CCDC91: variants seen among roughly 807,000 people sequenced by gnomAD.
CCDC91 encodes coiled-coil domain-containing protein 91.
CCDC91 carries 48 observed loss-of-function variants against 63.2 expected under a neutral mutation model. The observed-to-expected ratio is 0.76, with a 90% CI of 0.60 to 0.97. The LOEUF (loss-of-function observed/expected upper bound fraction) is 0.97. CCDC91 is among the 50% of genes least tolerant of loss of function. The pLI is 0.00. For missense variants in CCDC91, 500 were observed against 494.6 expected, an observed-to-expected ratio of 1.01 and a Z score of -0.10; for synonymous variants, 167 against 165.8, an observed-to-expected ratio of 1.01 and a Z score of -0.06.
intron 6 of CCDC91, among the ~76,000 whole-genome samples, chr12:28,308,629 C>T (rs1352625354): frequency 2.0e-5 from 3 of 151,910 alleles, no homozygotes; most frequent in African/African-American, 7.2e-5. Context: ...GTCCAGAGTG[C>T]TCAGATTCCC....
At chr12:28,416,463 G>T (rs1485865121) in intron 8 of CCDC91, among the ~76,000 whole-genome samples, 1 of 152,010 alleles carries the variant, frequency 6.6e-6, no homozygotes, top group Non-Finnish European at 1.5e-5. Flanking sequence ...AAGAAATTAG[G>T]CTCAACCCTG....
chr12:28,252,734 T>C (rs1946204542), intron 1 of CCDC91, among the ~76,000 whole-genome samples: 1 of 152,094 alleles, frequency 6.6e-6, no homozygotes, highest in East Asian at 1.9e-4. Flanking sequence ...TCTTTTATGG[T>C]TTGGTCTCTA....
chr12:28,366,842 G>T (rs1944307862), intron 7 of CCDC91, among the ~76,000 whole-genome samples: 1 of 152,114 alleles, frequency 6.6e-6, no homozygotes, highest in Admixed American at 6.6e-5. Flanking sequence ...AGCCGGACTG[G>T]TATTGATGGA....
intron 12 of CCDC91, among the ~76,000 whole-genome samples, chr12:28,508,892 T>C (rs1023567733): frequency 6.6e-6 from 1 of 151,940 alleles, no homozygotes; most frequent in African/African-American, 2.4e-5. Context: ...CTCTATTTAA[T>C]GGTTATTGAT....
intron 1 of CCDC91, among the ~76,000 whole-genome samples, chr12:28,200,167 C>G (rs1050363674): frequency 6.7e-6 from 1 of 149,732 alleles, no homozygotes; most frequent in African/African-American, 2.4e-5. Context: ...CCTGGATAAT[C>G]TCAATTGACC....
intron 12 of CCDC91, among the ~76,000 whole-genome samples, chr12:28,523,405 T>A (rs1317523893): frequency 6.6e-6 from 1 of 152,172 alleles, no homozygotes; most frequent in African/African-American, 2.4e-5. Context: ...ACCCCTGCCT[T>A]TTTTTGTTTT....
At position 28,370,325 on chromosome 12, in the gene CCDC91, G is replaced by A. The variant is rs528968374; in HGVS notation, c.654+7810G>A. On this transcript the variant is annotated intron_variant, in intron 7 of 12. Transcript: ENST00000536442. ...TCCTAAATCATGTCTCTCAAGTTCA[G>A]CATTTTACAATTCTCTAGGGCAGGG... 1.2e-4 allele frequency among the ~76,000 whole-genome samples: 19 copies of A among 152,266 alleles called. No homozygotes were observed. In the South Asian group the frequency reaches 3.9e-3, roughly 32 times the overall value.
chr12:28,257,311 G>T, intron 2 of CCDC91, 66 bp downstream of exon 2: 1 of 1,001,536 alleles, frequency 1.0e-6, no homozygotes, highest in South Asian at 1.4e-5. Context: ...AAACTATTTT[G>T]AAAATGTATT....
At chr12:28,260,861 A>G (rs1946776878) in intron 3 of CCDC91, among the ~76,000 whole-genome samples, 1 of 152,020 alleles carries the variant, frequency 6.6e-6, no homozygotes, top group Non-Finnish European at 1.5e-5. Flanking sequence ...ATATTTATAT[A>G]ATGGCTCAGG....
In CCDC91 at chr12:28,519,511, T is replaced by G. The variant is rs369636167; in HGVS notation, c.1216-29552T>G. Among the ~76,000 whole-genome samples, 7 of 152,096 alleles carry G rather than the reference T, an allele frequency of 4.6e-5. No individual in the cohort carries two copies. In the South Asian group the frequency reaches 1.2e-3, roughly 27 times the overall value. On this transcript the variant is annotated intron_variant, in intron 12 of 12. Coordinates refer to ENST00000536442, the MANE Select transcript of CCDC91 (RefSeq NM_018318.5). ...ACAGGTCATCAGCAAACAGTGACAGTGTAACTTCCTCTTTACCAATTTGGA... is the reference window on the plus strand; with the variant it reads ...ACAGGTCATCAGCAAACAGTGACAGGGTAACTTCCTCTTTACCAATTTGGA...
At chr12:28,419,650 A>T (rs962798746) in intron 8 of CCDC91, among the ~76,000 whole-genome samples, 2 of 152,162 alleles carry the variant, frequency 1.3e-5, no homozygotes, top group African/African-American at 2.4e-5. Context: ...CCACCTGGAG[A>T]CATTTACTTA....
intron 11 of CCDC91, among the ~76,000 whole-genome samples, chr12:28,454,156 G>C (rs1181890175): frequency 2.0e-5 from 3 of 152,070 alleles, no homozygotes; most frequent in Non-Finnish European, 4.4e-5. Flanking sequence ...ATATATCTCT[G>C]TATCATTTGG....
chr12:28,232,990 A>G (rs1944702493), intron 1 of CCDC91, among the ~76,000 whole-genome samples: 1 of 151,782 alleles, frequency 6.6e-6, no homozygotes, highest in African/African-American at 2.4e-5. Context: ...AAAAAAAAAA[A>G]AATATCATTA....
At chr12:28,397,806 G>A (rs1333132774) in intron 8 of CCDC91, among the ~76,000 whole-genome samples, 2 of 151,984 alleles carry the variant, frequency 1.3e-5, no homozygotes, top group African/African-American at 4.8e-5. Flanking sequence ...ATACACATAA[G>A]ATAGAGACAC....
chr12:28,240,611 C>T lies in CCDC91; in HGVS notation c.-14-16591C>T, dbSNP rs769097134. 3.3e-5 allele frequency among the ~76,000 whole-genome samples: 5 copies of T among 151,594 alleles called. No homozygotes were observed. In the South Asian group the frequency reaches 6.2e-4, roughly 19 times the overall value. Reference sequence around the variant, plus strand: ...AAAGTTTTTTTTATATAAATGGAATCGTGCATTATGTGACCTTTTGGGATT... The same window carrying T: ...AAAGTTTTTTTTATATAAATGGAATTGTGCATTATGTGACCTTTTGGGATT... On this transcript the variant is annotated intron_variant, in intron 1 of 12. Coordinates refer to ENST00000536442, the MANE Select transcript of CCDC91 (RefSeq NM_018318.5).
intron 6 of CCDC91, among the ~76,000 whole-genome samples, chr12:28,356,606 A>AAGGG (rs1200183749): frequency 1.2e-4 from 19 of 152,292 alleles, no homozygotes; most frequent in African/African-American, 3.4e-4. Context: ...GTTGTTGTGA[A>AAGGG]AGGGATGTAA....
At chr12:28,264,571 A>G (rs1947051828) in intron 3 of CCDC91, among the ~76,000 whole-genome samples, 1 of 91,086 alleles carries the variant, frequency 1.1e-5, no homozygotes. Context: ...AGGCACATAT[A>G]TATATATGTC....
chr12:28,285,925 A>C (rs1368735698), intron 3 of CCDC91, among the ~76,000 whole-genome samples: 1 of 152,052 alleles, frequency 6.6e-6, no homozygotes. Flanking sequence ...ATTATTTATC[A>C]TAAAACTTTT....
At chr12:28,204,505 C>A (rs1201170450) in intron 1 of CCDC91, among the ~76,000 whole-genome samples, 2 of 152,068 alleles carry the variant, frequency 1.3e-5, no homozygotes, top group Non-Finnish European at 2.9e-5. Flanking sequence ...TTAGCAATTC[C>A]TAGTGTAAGC....
Sources: gnomAD v4.1 joint callset for allele counts (sites outside exome capture counted in the v4.1 genomes callset) on GRCh38, gnomAD v4.1.1 for gene constraint, MANE v1.5 for transcripts, NCBI Gene and HGNC (gene_info 2026-07-23, HGNC 2026-07-21) for gene names.